The following IL1RAPL2 variants were observed in gnomAD, a reference collection of about 807,000 sequenced individuals.
IL1RAPL2 encodes the protein interleukin 1 receptor accessory protein like 2.
Under a neutral mutation model 44.1 loss-of-function variants are expected in IL1RAPL2, and 3 were observed. The ratio of observed to expected loss-of-function variants is 0.07; its 90% CI spans 0.03 to 0.18. The LOEUF (loss-of-function observed/expected upper bound fraction) is 0.18. Ranked by LOEUF, IL1RAPL2 falls within the 10% of genes least tolerant of loss-of-function variation. The probability of loss-of-function intolerance (pLI) is 1.00; values close to 1 mark genes in which losing one functional copy is unlikely to be tolerated. For synonymous variants in IL1RAPL2, 181 were observed against 178.8 expected (o/e 1.01, Z -0.10); for missense variants, 391 against 496.4 (o/e 0.79, Z 2.02).
intron 2 of IL1RAPL2, among the ~76,000 whole-genome samples, chrX:104,805,345 T>C (rs1396543032): frequency 8.9e-6 from 1 of 112,277 alleles, no homozygotes; most frequent in African/African-American, 3.2e-5. Context: ...TAAATGGGTT[T>C]ATTATTCACT....
intron 2 of IL1RAPL2, among the ~76,000 whole-genome samples, chrX:104,910,271 C>A (rs751438699): frequency 6.3e-5 from 7 of 111,973 alleles, no homozygotes; most frequent in Non-Finnish European, 9.4e-5. Flanking sequence ...TCTTGTGAGA[C>A]GAACCCGGTG....
In IL1RAPL2 at chrX:105,192,889, A is replaced by C. The variant is rs147019102; in HGVS notation, c.83-2586A>C. 4.4e-5 allele frequency among the ~76,000 whole-genome samples: 5 copies of C among 112,487 alleles called. No homozygotes were observed. The East Asian group carries it at 1.4e-3, about 31-fold the overall frequency. ...CTGATACCTAAGGCAAGGGAACAGA[A>C]GAAAAGAGACCATAAATCTATTAAG... On this transcript the variant is annotated intron_variant, in intron 2 of 10. Coordinates refer to ENST00000372582, the MANE Select transcript of IL1RAPL2 (RefSeq NM_017416.2).
chrX:104,844,944 A>C (rs1157591965), intron 2 of IL1RAPL2, among the ~76,000 whole-genome samples: 1 of 112,072 alleles, frequency 8.9e-6, no homozygotes, highest in Non-Finnish European at 1.9e-5. Flanking sequence ...TTTGTAAAAA[A>C]ATAGGAAGTT....
chrX:105,373,896 A>T (rs772732036), intron 5 of IL1RAPL2, among the ~76,000 whole-genome samples: 3 of 109,935 alleles, frequency 2.7e-5, no homozygotes, highest in Non-Finnish European at 3.8e-5. Flanking sequence ...AGGTGGGCAG[A>T]TCACTTGAGG....
intron 5 of IL1RAPL2, among the ~76,000 whole-genome samples, chrX:105,432,874 CA>C (rs374999068): frequency 9.1e-6 from 1 of 109,654 alleles, no homozygotes; most frequent in African/African-American, 3.3e-5. Flanking sequence ...CTCATCAAGT[CA>C]TTGTCTCTAT....
intron 8 of IL1RAPL2, among the ~76,000 whole-genome samples, chrX:105,744,190 G>A: frequency 8.9e-6 from 1 of 111,872 alleles, no homozygotes; most frequent in Non-Finnish European, 1.9e-5. Context: ...TTGAAACATT[G>A]TGTGATCCAA....
chrX:105,220,463 CT>C, intron 3 of IL1RAPL2: 1 of 1,001,945 alleles, frequency 1.0e-6, no homozygotes. Context: ...GGTTCCTTTC[CT>C]CCCCCTTAGC....
At chrX:104,786,651 AACAC>A (rs1197617432) in intron 2 of IL1RAPL2, among the ~76,000 whole-genome samples, 1 of 111,506 alleles carries the variant, frequency 9.0e-6, no homozygotes, top group Non-Finnish European at 1.9e-5. Flanking sequence ...TCAGGCAACA[AACAC>A]TTATTGCACA....
intron 6 of IL1RAPL2, among the ~76,000 whole-genome samples, chrX:105,673,947 G>A (rs1264829598): frequency 9.0e-6 from 1 of 111,612 alleles, no homozygotes; most frequent in Non-Finnish European, 1.9e-5. Flanking sequence ...TCATATGTTT[G>A]TGGGCTGTAT....
intron 5 of IL1RAPL2, among the ~76,000 whole-genome samples, chrX:105,381,896 TG>T (rs1192959787): frequency 9.2e-6 from 1 of 109,148 alleles, no homozygotes; most frequent in Non-Finnish European, 1.9e-5. Flanking sequence ...TAAATGGTGC[TG>T]GGAAAACTGG....
intron 2 of IL1RAPL2, among the ~76,000 whole-genome samples, chrX:104,971,365 A>T (rs2030233049): frequency 1.8e-5 from 2 of 111,110 alleles, no homozygotes; most frequent in South Asian, 7.7e-4. Flanking sequence ...AAATAAAATA[A>T]AATAAAGGTC....
At chrX:104,599,245 A>G (rs941410231) in intron 1 of IL1RAPL2, among the ~76,000 whole-genome samples, 1 of 111,020 alleles carries the variant, frequency 9.0e-6, no homozygotes, top group East Asian at 2.8e-4. Flanking sequence ...TATTGATTTT[A>G]AATTTTTTTA....
At chrX:104,847,261 C>T (rs975215092) in intron 2 of IL1RAPL2, among the ~76,000 whole-genome samples, 1 of 111,887 alleles carries the variant, frequency 8.9e-6, no homozygotes, top group African/African-American at 3.3e-5. Context: ...ATCATGAAGT[C>T]CTTGCCCATG....
intron 2 of IL1RAPL2, among the ~76,000 whole-genome samples, chrX:104,735,843 TATC>T (rs1031081033): frequency 9.0e-5 from 10 of 111,587 alleles, no homozygotes; most frequent in African/African-American, 3.3e-4. Flanking sequence ...CGATGTTAGT[TATC>T]ATTGTGTCAA....
intron 1 of IL1RAPL2, among the ~76,000 whole-genome samples, chrX:104,630,182 C>T (rs1291551559): frequency 9.5e-6 from 1 of 105,207 alleles, no homozygotes; most frequent in South Asian, 4.4e-4. Flanking sequence ...TAGTCTCACT[C>T]TGTCACCAGG....
At chrX:104,635,951 GT>G (rs1452891722) in intron 1 of IL1RAPL2, among the ~76,000 whole-genome samples, 2 of 111,669 alleles carry the variant, frequency 1.8e-5, no homozygotes, top group Non-Finnish European at 3.8e-5. Context: ...TTTCTGCTCT[GT>G]TTTTTCCCCA....
chrX:105,647,145 G>C (rs908706921), intron 6 of IL1RAPL2, among the ~76,000 whole-genome samples: 3 of 112,181 alleles, frequency 2.7e-5, no homozygotes, highest in Non-Finnish European at 3.8e-5. Flanking sequence ...TAGCCTGATC[G>C]GGAGTGGCAA....
At chrX:105,369,129 T>C (rs1037438710) in intron 5 of IL1RAPL2, among the ~76,000 whole-genome samples, 1 of 110,668 alleles carries the variant, frequency 9.0e-6, no homozygotes, top group Admixed American at 9.8e-5. Flanking sequence ...GATTTTCCTG[T>C]CAGGTAAATC....
chrX:104,846,182 T>A (rs1922046123), intron 2 of IL1RAPL2, among the ~76,000 whole-genome samples: 1 of 111,416 alleles, frequency 9.0e-6, no homozygotes, highest in South Asian at 3.8e-4. Flanking sequence ...AATATAATAA[T>A]CATAGTTTGT....
Sources: allele counts gnomAD v4.1 joint callset (sites outside exome capture counted in the v4.1 genomes callset), GRCh38; gene constraint gnomAD v4.1.1; transcripts MANE v1.5; gene names NCBI Gene and HGNC (gene_info 2026-07-23, HGNC 2026-07-21).